CADPS2: variants seen among roughly 807,000 people sequenced by gnomAD.
CADPS2 encodes the protein calcium dependent secretion activator 2, also known as calcium-dependent secretion activator 2.
A neutral mutation model predicts 172.5 loss-of-function variants in CADPS2; 93 were observed. The observed-to-expected ratio is 0.54, with a 90% CI of 0.46 to 0.64. The LOEUF (loss-of-function observed/expected upper bound fraction) is 0.64, where lower values mean the gene tolerates loss of function less well. CADPS2 is among the 30% of genes least tolerant of loss of function. CADPS2 has a pLI of 0.00. For synonymous variants in CADPS2, 546 were observed against 555.2 expected, an observed-to-expected ratio of 0.98 and a Z score of 0.23; for missense variants, 1,420 against 1,565.9, an observed-to-expected ratio of 0.91 and a Z score of 1.57.
At chr7:122,458,635 A>G (rs2054082658) in intron 14 of CADPS2, among the ~76,000 whole-genome samples, 1 of 152,168 alleles carries the variant, frequency 6.6e-6, no homozygotes, top group South Asian at 2.1e-4. Flanking sequence ...GTTTATTTTA[A>G]AAAGGGTAGA....
chr7:122,654,148 C>G (rs766558231), intron 3 of CADPS2, among the ~76,000 whole-genome samples: 16 of 152,118 alleles, frequency 1.1e-4, no homozygotes, highest in Non-Finnish European at 1.6e-4. Flanking sequence ...AAGTTTGAAG[C>G]TAGGAGAAGT....
intron 16 of CADPS2, among the ~76,000 whole-genome samples, chr7:122,441,221 T>C (rs2051306857): frequency 6.6e-6 from 1 of 151,820 alleles, no homozygotes; most frequent in Non-Finnish European, 1.5e-5. Context: ...TATTCTTAAC[T>C]GAAAAAAAAG....
At chr7:122,328,120 C>A (rs1392201297) in intron 28 of CADPS2, among the ~76,000 whole-genome samples, 1 of 118,564 alleles carries the variant, frequency 8.4e-6, no homozygotes, top group African/African-American at 3.2e-5. Context: ...TTCTTGTATA[C>A]AGTAAAATGC....
intron 20 of CADPS2, 53 bp from the exon 21 acceptor site, chr7:122,393,635 T>G: frequency 6.2e-7 from 1 of 1,601,034 alleles, no homozygotes; most frequent in Non-Finnish European, 8.5e-7. Context: ...ATCAGACATT[T>G]GGAAAATATG....
chr7:122,796,568 A>G (rs184896612), intron 1 of CADPS2, among the ~76,000 whole-genome samples: 35 of 152,312 alleles, frequency 2.3e-4, no homozygotes, highest in African/African-American at 7.2e-4. Context: ...CTGCACACCT[A>G]CAACTATCAG....
At chr7:122,657,953 A>G (rs1439175154) in intron 3 of CADPS2, among the ~76,000 whole-genome samples, 9 of 152,288 alleles carry the variant, frequency 5.9e-5, no homozygotes, top group Non-Finnish European at 1.3e-4. Context: ...TGAACAGGCA[A>G]CCTACAGAAT....
At chr7:122,663,896 C>CAG (rs750060979) in intron 2 of CADPS2, among the ~76,000 whole-genome samples, 12 of 152,084 alleles carry the variant, frequency 7.9e-5, no homozygotes, top group Non-Finnish European at 1.5e-4. Context: ...CTCTTATACA[C>CAG]AGACTCCAGA....
chr7:122,437,172 G>A (rs533040124), intron 17 of CADPS2, among the ~76,000 whole-genome samples: 8 of 152,080 alleles, frequency 5.3e-5, no homozygotes, highest in Non-Finnish European at 7.4e-5. Context: ...CACTTTCCCC[G>A]AATGATCAAA....
In CADPS2 at chr7:122,860,590, A is replaced by G. The variant is rs182264524; in HGVS notation, c.339+25409T>C. 3.7e-4 allele frequency among the ~76,000 whole-genome samples: 57 copies of G among 152,278 alleles called. 1 individual carries two copies. In the East Asian group the frequency reaches 0.011, roughly 29 times the overall value. ...GCAACATTTTAGAACCCCCAAGGAT[A>G]AAGAACATTAAAACATTTAAGAAAG... is the stretch of plus-strand genomic sequence containing the variant. On this transcript the variant is annotated intron_variant, in intron 1 of 29. Coordinates refer to ENST00000449022, the MANE Select transcript of CADPS2 (RefSeq NM_017954.11).
chr7:122,698,268 C>T (rs868338306), intron 2 of CADPS2: 1 of 1,613,990 alleles, frequency 6.2e-7, no homozygotes, highest in Non-Finnish European at 8.5e-7. Flanking sequence ...GGTTCTGAAT[C>T]CTTGCTAAAC....
At chr7:122,821,072 A>T (rs916254262) in intron 1 of CADPS2, among the ~76,000 whole-genome samples, 1 of 151,640 alleles carries the variant, frequency 6.6e-6, no homozygotes, top group Non-Finnish European at 1.5e-5. Flanking sequence ...GTCTCCCACA[A>T]TTACTGTTGT....
intron 9 of CADPS2, among the ~76,000 whole-genome samples, chr7:122,494,333 GATGT>G (rs2058561251): frequency 6.6e-6 from 1 of 152,134 alleles, no homozygotes; most frequent in African/African-American, 2.4e-5. Flanking sequence ...AGTACTCAAA[GATGT>G]ATATGCATTG....
chr7:122,776,575 A>G (rs1589136751), intron 1 of CADPS2, among the ~76,000 whole-genome samples: 1 of 152,078 alleles, frequency 6.6e-6, no homozygotes, highest in African/African-American at 2.4e-5. Context: ...AAGAAAAAAA[A>G]AAACTAAAAA....
chr7:122,824,627 T>A (rs1003863381), intron 1 of CADPS2, among the ~76,000 whole-genome samples: 10 of 152,220 alleles, frequency 6.6e-5, no homozygotes, highest in African/African-American at 1.2e-4. Flanking sequence ...ATAAATACTT[T>A]TAGTCCTTTA....
chr7:122,722,812 G>A (rs1251836236), intron 2 of CADPS2, among the ~76,000 whole-genome samples: 1 of 151,554 alleles, frequency 6.6e-6, no homozygotes, highest in Non-Finnish European at 1.5e-5. Context: ...AAACAGCATG[G>A]TACTGGTACC....
chr7:122,525,139 C>CAA (rs5887094), intron 8 of CADPS2, among the ~76,000 whole-genome samples: 1 of 148,414 alleles, frequency 6.7e-6, no homozygotes. Flanking sequence ...GACCCTGTCT[C>CAA]AAAAAAAAAA....
chr7:122,580,963 C>T (rs1451363480), intron 7 of CADPS2, among the ~76,000 whole-genome samples: 1 of 152,024 alleles, frequency 6.6e-6, no homozygotes, highest in Non-Finnish European at 1.5e-5. Context: ...TTGTATTTAC[C>T]CCTTACACAA....
intron 28 of CADPS2, among the ~76,000 whole-genome samples, chr7:122,342,064 C>A (rs939116328): frequency 6.6e-6 from 1 of 152,060 alleles, no homozygotes; most frequent in Non-Finnish European, 1.5e-5. Context: ...TCAAAGGATA[C>A]TTTTAATTTT....
At chr7:122,584,516 C>G (rs2069348782) in intron 6 of CADPS2, among the ~76,000 whole-genome samples, 1 of 151,848 alleles carries the variant, frequency 6.6e-6, no homozygotes, top group African/African-American at 2.4e-5. Context: ...TTTTCAAACT[C>G]CTGTCACTTG....
Sources: gnomAD v4.1 joint callset for allele counts (sites outside exome capture counted in the v4.1 genomes callset) on GRCh38, gnomAD v4.1.1 for gene constraint, MANE v1.5 for transcripts, NCBI Gene and HGNC (gene_info 2026-07-23, HGNC 2026-07-21) for gene names.